Variants in ADAM2 observed in about 807,000 individuals in gnomAD.
ADAM2 encodes disintegrin and metalloproteinase domain-containing protein 2.
ADAM2 carries 101 observed loss-of-function variants against 99.3 expected under a neutral mutation model. The ratio of observed to expected loss-of-function variants is 1.02; its 90% CI spans 0.87 to 1.20. The LOEUF (loss-of-function observed/expected upper bound fraction) is 1.20, where lower values mean the gene tolerates loss of function less well. Among genes scored for constraint, ADAM2 ranks in the 50% most tolerant of loss-of-function variants. The pLI, the probability that ADAM2 is intolerant of heterozygous loss-of-function variation, is 0.00. For synonymous variants in ADAM2, 323 were observed against 287.6 expected, an observed-to-expected ratio of 1.12 and a Z score of -1.25; for missense variants, 948 against 878.7, an observed-to-expected ratio of 1.08 and a Z score of -1.00.
intron 7 of ADAM2, among the ~76,000 whole-genome samples, chr8:39,797,332 C>G (rs1291139837): frequency 6.6e-6 from 1 of 152,230 alleles, no homozygotes; most frequent in East Asian, 1.9e-4. Flanking sequence ...TTGTTTTTGT[C>G]AGGATTGTCA....
At chr8:39,767,872 TAAG>T (rs1488310082) in intron 12 of ADAM2, among the ~76,000 whole-genome samples, 2 of 147,888 alleles carry the variant, frequency 1.4e-5, no homozygotes, top group Admixed American at 6.9e-5. Flanking sequence ...AAGCAATAGA[TAAG>T]AAGGCTAAAA....
intron 14 of ADAM2, among the ~76,000 whole-genome samples, chr8:39,764,949 G>T (rs888474223): frequency 6.6e-6 from 1 of 151,972 alleles, no homozygotes; most frequent in African/African-American, 2.4e-5. Flanking sequence ...CTGGAACACG[G>T]GAGGTGAAGG....
At chr8:39,772,733 CA>C (rs1184613038) in intron 11 of ADAM2, among the ~76,000 whole-genome samples, 1 of 151,768 alleles carries the variant, frequency 6.6e-6, no homozygotes, top group Non-Finnish European at 1.5e-5. Flanking sequence ...AAAGTATTTG[CA>C]AAAGAATGAA....
chr8:39,784,755 A>G (rs1434048861), intron 10 of ADAM2, among the ~76,000 whole-genome samples: 1 of 152,188 alleles, frequency 6.6e-6, no homozygotes, highest in Non-Finnish European at 1.5e-5. Flanking sequence ...CTTGACCATA[A>G]GTATAAGTCA....
intron 17 of ADAM2, 94 bp from the exon 18 acceptor site, chr8:39,749,544 C>A: frequency 6.8e-7 from 1 of 1,464,772 alleles, no homozygotes; most frequent in South Asian, 1.2e-5. Context: ...TCAGCTAAGG[C>A]CAATTTTCCT....
chr8:39,823,918 G>A (rs565360610), intron 4 of ADAM2, among the ~76,000 whole-genome samples: 23 of 152,090 alleles, frequency 1.5e-4, no homozygotes, highest in Admixed American at 1.3e-4. Context: ...TGATTGAGTC[G>A]CTATATAGAA....
chr8:39,802,198 C>T (rs1586126088), intron 7 of ADAM2, among the ~76,000 whole-genome samples: 2 of 152,208 alleles, frequency 1.3e-5, no homozygotes, highest in African/African-American at 2.4e-5. Context: ...TGTGTGCTCA[C>T]TCACTGCCTC....
intron 14 of ADAM2, among the ~76,000 whole-genome samples, chr8:39,765,617 T>G (rs1158242643): frequency 6.6e-6 from 1 of 152,248 alleles, no homozygotes; most frequent in Non-Finnish European, 1.5e-5. Flanking sequence ...CTCCCTCTTC[T>G]TTCTTTCTGC....
intron 4 of ADAM2, among the ~76,000 whole-genome samples, chr8:39,821,892 T>C (rs934189988): frequency 2.6e-5 from 4 of 152,196 alleles, no homozygotes; most frequent in South Asian, 4.1e-4. Flanking sequence ...AAATTAAGCA[T>C]GACATTCTCA....
intron 7 of ADAM2, among the ~76,000 whole-genome samples, chr8:39,798,434 G>T (rs548370455): frequency 5.7e-4 from 86 of 152,194 alleles, no homozygotes; most frequent in African/African-American, 1.9e-3. Flanking sequence ...TGTTAGATTT[G>T]GTTTGCCAGT....
intron 11 of ADAM2, chr8:39,774,796 T>C (rs1199538330): frequency 6.6e-6 from 1 of 152,130 alleles, no homozygotes; most frequent in Non-Finnish European, 1.5e-5. Context: ...ATCATTATAA[T>C]CAACATTGTA....
At chr8:39,787,295 A>T (rs1018877672) in intron 9 of ADAM2, among the ~76,000 whole-genome samples, 49 of 151,808 alleles carry the variant, frequency 3.2e-4, no homozygotes, top group African/African-American at 1.1e-3. Context: ...TGTAGATTTA[A>T]AAAAACTAAA....
At chr8:39,753,003 A>G (rs144971412) in intron 16 of ADAM2, among the ~76,000 whole-genome samples, 59 of 152,280 alleles carry the variant, frequency 3.9e-4, no homozygotes, top group African/African-American at 1.3e-3. Flanking sequence ...GGTACCAGGA[A>G]TGGAGTGCTG....
At chr8:39,778,442 G>A (rs527304249) in intron 10 of ADAM2, among the ~76,000 whole-genome samples, 2 of 152,164 alleles carry the variant, frequency 1.3e-5, no homozygotes, top group South Asian at 2.1e-4. Context: ...GGATGCTTAC[G>A]TCTCTTTGAA....
chr8:39,825,027 T>C (rs1171141415), intron 3 of ADAM2, 130 bp from the exon 4 acceptor site: 3 of 603,154 alleles, frequency 5.0e-6, no homozygotes, highest in Middle Eastern at 4.4e-4. Flanking sequence ...TTTCTAAATA[T>C]ATGGATTTTG....
intron 4 of ADAM2, among the ~76,000 whole-genome samples, chr8:39,823,391 G>A (rs1236230978): frequency 6.6e-6 from 1 of 152,096 alleles, no homozygotes; most frequent in Non-Finnish European, 1.5e-5. Flanking sequence ...TTTTTCCTAG[G>A]ATAGAGGTAG....
intron 7 of ADAM2, 149 bp downstream of exon 7, chr8:39,809,261 T>A (rs1804589481): frequency 7.6e-6 from 4 of 528,734 alleles, no homozygotes; most frequent in Admixed American, 8.1e-5. Context: ...TGATTCTCAA[T>A]TTACTACTGA....
intron 12 of ADAM2, 62 bp downstream of exon 12, chr8:39,769,330 C>T (rs1301847290): frequency 1.5e-6 from 2 of 1,336,546 alleles, no homozygotes; most frequent in Non-Finnish European, 2.1e-6. Context: ...CAGTTTCTCA[C>T]TCGAATTAAT....
intron 7 of ADAM2, among the ~76,000 whole-genome samples, chr8:39,797,270 T>C (rs112739876): frequency 2.6e-5 from 4 of 152,360 alleles, no homozygotes; most frequent in African/African-American, 9.6e-5. Context: ...TGCATATGGC[T>C]AGCCAGTTTT....
Sources: gnomAD v4.1 joint callset for allele counts (sites outside exome capture counted in the v4.1 genomes callset) on GRCh38, gnomAD v4.1.1 for gene constraint, MANE v1.5 for transcripts, NCBI Gene and HGNC (gene_info 2026-07-23, HGNC 2026-07-21) for gene names.